The following GRK5 variants were observed in gnomAD, a reference collection of about 807,000 sequenced individuals.
GRK5 encodes the protein G protein-coupled receptor kinase 5.
GRK5 carries 40 observed loss-of-function variants against 78.4 expected under a neutral mutation model. The observed-to-expected ratio is 0.51, with a 90% CI of 0.40 to 0.66. The LOEUF (loss-of-function observed/expected upper bound fraction) is 0.66. GRK5 is among the 30% of genes least tolerant of loss of function. The probability of loss-of-function intolerance (pLI) is 0.00; values close to 1 mark genes in which losing one functional copy is unlikely to be tolerated. For synonymous variants in GRK5, 289 were observed against 296.8 expected (o/e 0.97, Z 0.27); for missense variants, 598 against 759.9 (o/e 0.79, Z 2.50).
intron 2 of GRK5, among the ~76,000 whole-genome samples, chr10:119,343,381 C>A (rs1851017034): frequency 6.6e-6 from 1 of 152,202 alleles, no homozygotes; most frequent in Non-Finnish European, 1.5e-5. Context: ...GCTTTGCAGA[C>A]ACACACTCGT....
chr10:119,235,384 T>G (rs1311854331), intron 1 of GRK5, among the ~76,000 whole-genome samples: 2 of 152,196 alleles, frequency 1.3e-5, no homozygotes, highest in Non-Finnish European at 2.9e-5. Context: ...TGGAAAATGT[T>G]AAAGCAAAAG....
At chr10:119,245,178 T>C (rs1849087217) in intron 1 of GRK5, among the ~76,000 whole-genome samples, 1 of 152,082 alleles carries the variant, frequency 6.6e-6, no homozygotes, top group South Asian at 2.1e-4. Context: ...CTCTGGAGAC[T>C]GAGGCAGAAG....
Position 119,253,129 on chromosome 10 carries a change from A to G in GRK5, c.52+45160A>G, listed in dbSNP as rs1020286555. On this transcript the variant is annotated intron_variant, in intron 1 of 15. Coordinates refer to ENST00000392870, the MANE Select transcript of GRK5 (RefSeq NM_005308.3). The surrounding 1 kb of genome is among the most constrained non-coding windows in gnomAD (Gnocchi z 5.7). ...CTGTACTAATCTGCTGATGAGGGAG[A>G]GTTGGTGGCTCAGTGGTGACAGCAC... 6.6e-6 allele frequency among the ~76,000 whole-genome samples: 1 copy of G among 152,024 alleles called. No individual in the cohort carries two copies. The highest frequency in any genetic ancestry group is 1.5e-5 in the Non-Finnish European group (1 of 68,000).
chr10:119,437,453 T>C (rs1454466581), intron 9 of GRK5, among the ~76,000 whole-genome samples: 2 of 152,254 alleles, frequency 1.3e-5, no homozygotes, highest in Non-Finnish European at 2.9e-5. Flanking sequence ...ATCTCTGTGA[T>C]GCTGCATTTT....
rs1849467126 is a variant in GRK5 at position 119,264,749 on chromosome 10, A to T, written c.52+56780A>T. 6.6e-6 allele frequency among the ~76,000 whole-genome samples: 1 copy of T among 152,198 alleles called. No individual in the cohort carries two copies. The highest frequency in any genetic ancestry group is 2.4e-5 in the African/African-American group (1 of 41,448). Reference sequence around the variant, plus strand: ...AAGTGGGGTAGGACTATTCTTCAGCAGTGGGAGGGACCCTGGGTGGACTAA... The same window carrying T: ...AAGTGGGGTAGGACTATTCTTCAGCTGTGGGAGGGACCCTGGGTGGACTAA... On this transcript the variant is annotated intron_variant, in intron 1 of 15. Transcript: ENST00000392870. This position sits in a 1 kb window ranked among gnomAD's most constrained non-coding sequence, Gnocchi z 4.1.
intron 2 of GRK5, among the ~76,000 whole-genome samples, chr10:119,353,850 A>G (rs1851220536): frequency 6.6e-6 from 1 of 151,746 alleles, no homozygotes; most frequent in African/African-American, 2.4e-5. Context: ...TTTTCCCCAC[A>G]TCACTTTTGT....
intron 5 of GRK5, among the ~76,000 whole-genome samples, chr10:119,424,638 C>T (rs1436161566): frequency 1.3e-5 from 2 of 152,140 alleles, no homozygotes; most frequent in Non-Finnish European, 2.9e-5. Context: ...AGAGAGACCC[C>T]TCTACCCTTC....
At chr10:119,341,845 G>C (rs1850986832) in intron 2 of GRK5, among the ~76,000 whole-genome samples, 1 of 152,146 alleles carries the variant, frequency 6.6e-6, no homozygotes, top group Admixed American at 6.5e-5. Flanking sequence ...GTTCTTTTAA[G>C]AGTCCTGGAA....
intron 1 of GRK5, among the ~76,000 whole-genome samples, chr10:119,305,131 T>G (rs1850252335): frequency 6.6e-6 from 1 of 152,158 alleles, no homozygotes. Context: ...ACCTTGTGGT[T>G]GGCAGCGAGG....
intron 1 of GRK5, among the ~76,000 whole-genome samples, chr10:119,230,302 A>G (rs1848804340): frequency 6.6e-6 from 1 of 152,102 alleles, no homozygotes; most frequent in African/African-American, 2.4e-5. Context: ...CCTAGGCAAT[A>G]TGGTAAGACC....
In GRK5 at chr10:119,431,297, A is replaced by C; in HGVS notation, c.598-90A>C. The C allele has an allele frequency of 6.9e-7, 1 of 1,457,144 alleles. No individual in the cohort carries two copies. The highest frequency in any genetic ancestry group is 9.2e-7 in the Non-Finnish European group (1 of 1,081,492). 90.3% of individuals were successfully genotyped at this position (1,457,144 alleles called of 1,614,324 possible). A position where few individuals can be genotyped will look rare whatever the true frequency, so the allele number is the denominator to read the frequency against. On this transcript the variant is annotated intron_variant, in intron 7 of 15. Coordinates refer to ENST00000392870, the MANE Select transcript of GRK5 (RefSeq NM_005308.3). This position sits in a 1 kb window ranked among gnomAD's most constrained non-coding sequence, Gnocchi z 4.8. ...CCGGCTCTGACCCCATCCATTCTCT[A>C]CCTGGGAGGCCTGTGGTCCCCGCCC...
chr10:119,423,097 C>T, intron 4 of GRK5, 69 bp from the exon 5 acceptor site: 1 of 1,048,016 alleles, frequency 9.5e-7, no homozygotes, highest in Non-Finnish European at 1.5e-6. Flanking sequence ...GGCCCAACAC[C>T]TGTGGGCAAA....
At chr10:119,384,687 C>A (rs1275702086) in intron 3 of GRK5, among the ~76,000 whole-genome samples, 1 of 143,450 alleles carries the variant, frequency 7.0e-6, no homozygotes, top group Non-Finnish European at 1.6e-5. Context: ...CCACACGTAA[C>A]AGTTGAGTGA....
At chr10:119,405,035 A>G (rs574868665) in intron 4 of GRK5, among the ~76,000 whole-genome samples, 1 of 152,302 alleles carries the variant, frequency 6.6e-6, no homozygotes, top group South Asian at 2.1e-4. Flanking sequence ...AACAGTGCTG[A>G]TCTCCATGGT....
At chr10:119,420,159 AT>A (rs1375255065) in intron 4 of GRK5, among the ~76,000 whole-genome samples, 2 of 152,206 alleles carry the variant, frequency 1.3e-5, no homozygotes, top group Non-Finnish European at 2.9e-5. Context: ...GGACACTATA[AT>A]AATAGCCACC....
chr10:119,411,955 A>G (rs1288607158), intron 4 of GRK5, among the ~76,000 whole-genome samples: 2 of 149,892 alleles, frequency 1.3e-5, no homozygotes, highest in East Asian at 2.0e-4. Context: ...GAGTCAAGCA[A>G]TCCTCTCGCC....
intron 2 of GRK5, among the ~76,000 whole-genome samples, chr10:119,363,773 C>A (rs1419138895): frequency 6.6e-6 from 1 of 152,226 alleles, no homozygotes; most frequent in African/African-American, 2.4e-5. Flanking sequence ...TCTGTTGTTT[C>A]TGTTCACATT....
chr10:119,311,843 A>G (rs1850364268), intron 1 of GRK5, among the ~76,000 whole-genome samples: 1 of 151,836 alleles, frequency 6.6e-6, no homozygotes, highest in Non-Finnish European at 1.5e-5. Flanking sequence ...AAATGTTTTA[A>G]ATGTTTTGGA....
At position 119,430,977 on chromosome 10, in the gene GRK5, G is replaced by A. The variant is rs915352145; in HGVS notation, c.598-410G>A. ...CTTAAGCCCAAATGCTTTGGTTCCC[G>A]CTTATCTGGATTATGAAGTCAGTGT... On this transcript the variant is annotated intron_variant, in intron 7 of 15. Coordinates refer to ENST00000392870, the MANE Select transcript of GRK5 (RefSeq NM_005308.3). The surrounding 1 kb of genome is among the most constrained non-coding windows in gnomAD (Gnocchi z 4.5). Among the ~76,000 whole-genome samples the A allele has an allele frequency of 2.0e-5, 3 of 152,300 alleles. No individual in the cohort carries two copies. The highest frequency in any genetic ancestry group is 7.2e-5 in the African/African-American group (3 of 41,566).
Sources: gnomAD v4.1 joint callset for allele counts (sites outside exome capture counted in the v4.1 genomes callset) on GRCh38, gnomAD v4.1.1 for gene constraint, Gnocchi (gnomAD v3.1) non-coding constraint, MANE v1.5 for transcripts, NCBI Gene and HGNC (gene_info 2026-07-23, HGNC 2026-07-21) for gene names.